The following CNTN4 variants were observed in gnomAD, a reference collection of about 807,000 sequenced individuals.
CNTN4 encodes the protein contactin 4.
A neutral mutation model predicts 122.5 loss-of-function variants in CNTN4; 77 were observed. The ratio of observed to expected loss-of-function variants is 0.63; its 90% CI spans 0.52 to 0.76. The LOEUF is 0.76. Ranked by LOEUF, CNTN4 falls within the 30% of genes least tolerant of loss-of-function variation. CNTN4 has a pLI of 0.00. For synonymous variants in CNTN4, 512 were observed against 447.0 expected (o/e 1.15, Z -1.83); for missense variants, 1,256 against 1,259.1 (o/e 1.00, Z 0.04).
chr3:3,013,109 C>T (rs560304790), intron 14 of CNTN4, among the ~76,000 whole-genome samples: 2 of 152,236 alleles, frequency 1.3e-5, no homozygotes, highest in South Asian at 4.2e-4. Context: ...ATAATAGTAT[C>T]TCATACTCTG....
Position 2,662,087 on chromosome 3 carries a change from C to G in CNTN4, c.56-74128C>G, listed in dbSNP as rs551520748. Among the ~76,000 whole-genome samples, 5 of 152,230 alleles carry G rather than the reference C, an allele frequency of 3.3e-5. No homozygotes were observed. In the East Asian group the frequency reaches 9.7e-4, roughly 29 times the overall value. ...GATGCTGGGTTATAGAGATCAAAGA[C>G]CCAGTTCCAGAATTCATAGAGCTCA... On this transcript the variant is annotated intron_variant, in intron 4 of 24. Transcript: ENST00000418658.
At chr3:2,850,056 C>G (rs139694669) in intron 7 of CNTN4, among the ~76,000 whole-genome samples, 5 of 148,284 alleles carry the variant, frequency 3.4e-5, no homozygotes, top group Non-Finnish European at 5.9e-5. Context: ...GTGGTGCAAT[C>G]TCAGCTCACT....
intron 3 of CNTN4, among the ~76,000 whole-genome samples, chr3:2,485,259 C>T (rs1017479822): frequency 1.2e-4 from 19 of 152,334 alleles, no homozygotes; most frequent in African/African-American, 3.8e-4. Flanking sequence ...CCGCGGTGCC[C>T]GGTCCCATCG....
intron 13 of CNTN4, among the ~76,000 whole-genome samples, chr3:2,963,349 T>G (rs2094880898): frequency 6.6e-6 from 1 of 152,194 alleles, no homozygotes; most frequent in Non-Finnish European, 1.5e-5. Context: ...CAGTACCTCA[T>G]ATGATATAAT....
intron 3 of CNTN4, among the ~76,000 whole-genome samples, chr3:2,390,552 G>A (rs1014474837): frequency 5.3e-5 from 8 of 152,082 alleles, no homozygotes; most frequent in African/African-American, 1.9e-4. Flanking sequence ...GAATACCGAA[G>A]ACTTGTATTT....
chr3:2,834,594 AAAG>A (rs372628564), intron 7 of CNTN4, among the ~76,000 whole-genome samples: 10 of 152,186 alleles, frequency 6.6e-5, no homozygotes, highest in African/African-American at 2.4e-4. Context: ...CAGCAACAAC[AAAG>A]AAGCTGTAAT....
At chr3:2,757,591 G>C (rs2090395884) in intron 6 of CNTN4, among the ~76,000 whole-genome samples, 1 of 152,180 alleles carries the variant, frequency 6.6e-6, no homozygotes, top group African/African-American at 2.4e-5. Context: ...GTGAGGGCCA[G>C]CTTCCGTCCT....
chr3:2,161,150 C>T (rs756323687), intron 2 of CNTN4, among the ~76,000 whole-genome samples: 1 of 151,754 alleles, frequency 6.6e-6, no homozygotes, highest in Non-Finnish European at 1.5e-5. Flanking sequence ...TGAGGAGGTA[C>T]AGGAAGCAGA....
intron 3 of CNTN4, among the ~76,000 whole-genome samples, chr3:2,403,942 A>G (rs146037541): frequency 1.3e-5 from 2 of 152,196 alleles, no homozygotes; most frequent in Admixed American, 6.5e-5. Flanking sequence ...TTTGAAACCC[A>G]TGGAACTACA....
chr3:2,391,986 AT>A (rs2046456744), intron 3 of CNTN4, among the ~76,000 whole-genome samples: 2 of 152,164 alleles, frequency 1.3e-5, no homozygotes, highest in South Asian at 4.1e-4. Flanking sequence ...AACTCATTTC[AT>A]TCAATATGTT....
intron 12 of CNTN4, among the ~76,000 whole-genome samples, chr3:2,912,316 A>G (rs1375210923): frequency 6.6e-6 from 1 of 152,336 alleles, no homozygotes; most frequent in East Asian, 1.9e-4. Flanking sequence ...GCTGCCAATC[A>G]AGAATACTAT....
chr3:2,469,793 G>A (rs2075622449), intron 3 of CNTN4, among the ~76,000 whole-genome samples: 1 of 152,062 alleles, frequency 6.6e-6, no homozygotes, highest in South Asian at 2.1e-4. Context: ...TTGAATTTCT[G>A]ACATGTGTTA....
At chr3:2,582,483 G>A (rs967732472) in intron 4 of CNTN4, among the ~76,000 whole-genome samples, 1 of 152,140 alleles carries the variant, frequency 6.6e-6, no homozygotes, top group Non-Finnish European at 1.5e-5. Flanking sequence ...ATTGGGGGCG[G>A]CGGGGAGGGG....
At chr3:2,455,065 A>G (rs893702324) in intron 3 of CNTN4, among the ~76,000 whole-genome samples, 2 of 152,112 alleles carry the variant, frequency 1.3e-5, no homozygotes, top group African/African-American at 4.8e-5. Flanking sequence ...ACCAGTAAAT[A>G]TGGTGTGGAA....
At chr3:2,235,133 C>G (rs1214224560) in intron 2 of CNTN4, among the ~76,000 whole-genome samples, 1 of 152,100 alleles carries the variant, frequency 6.6e-6, no homozygotes, top group African/African-American at 2.4e-5. Context: ...ATTTCAGAGA[C>G]AAAAAGGATT....
chr3:2,353,794 G>C (rs919440934), intron 3 of CNTN4, among the ~76,000 whole-genome samples: 1 of 152,214 alleles, frequency 6.6e-6, no homozygotes, highest in Non-Finnish European at 1.5e-5. Flanking sequence ...AGCTACTCGG[G>C]AGGCTGAGGC....
intron 13 of CNTN4, among the ~76,000 whole-genome samples, chr3:2,943,200 T>C (rs2094633856): frequency 1.0e-5 from 1 of 95,578 alleles, no homozygotes; most frequent in Non-Finnish European, 2.4e-5. Context: ...CACAACTGAT[T>C]CCTGTCCACA....
At chr3:2,641,909 A>G (rs1336169273) in intron 4 of CNTN4, among the ~76,000 whole-genome samples, 1 of 152,212 alleles carries the variant, frequency 6.6e-6, no homozygotes, top group Non-Finnish European at 1.5e-5. Flanking sequence ...TTATGTCTGT[A>G]CTTCTTTCAC....
rs562630614 is a variant in CNTN4, at chr3:2,687,410, C to G, written c.56-48805C>G. On this transcript the variant is annotated intron_variant, in intron 4 of 24. Transcript: ENST00000418658. ...GCACTGTGGCTCGTGCCTGCAATCT[C>G]AGCACTCTGGGAGACCGAGACAGGT... Among the ~76,000 whole-genome samples the G allele has an allele frequency of 2.3e-4, 35 of 151,598 alleles. No homozygotes were observed. The South Asian group carries it at 6.7e-3, about 29-fold the overall frequency.
Sources: gnomAD v4.1 joint callset for allele counts (sites outside exome capture counted in the v4.1 genomes callset) on GRCh38, gnomAD v4.1.1 for gene constraint, MANE v1.5 for transcripts, NCBI Gene and HGNC (gene_info 2026-07-23, HGNC 2026-07-21) for gene names.